Variants in ARHGAP24 observed in about 807,000 individuals in gnomAD.
ARHGAP24 encodes the protein rho GTPase-activating protein 24.
A neutral mutation model predicts 76.4 loss-of-function variants in ARHGAP24; 50 were observed. That is an observed-to-expected ratio of 0.65 (90% CI 0.52 to 0.83). The LOEUF is 0.83. Ranked by LOEUF, ARHGAP24 falls within the 40% of genes least tolerant of loss-of-function variation. The pLI is 0.00. For synonymous variants in ARHGAP24, 345 were observed against 323.3 expected (o/e 1.07, Z -0.72); for missense variants, 930 against 914.2 (o/e 1.02, Z -0.22).
At chr4:85,868,981 C>A (rs1365234988) in intron 3 of ARHGAP24, among the ~76,000 whole-genome samples, 2 of 151,814 alleles carry the variant, frequency 1.3e-5, no homozygotes, top group Non-Finnish European at 2.9e-5. Context: ...TATCATATAT[C>A]TATCATACTT....
At chr4:85,636,606 C>A (rs1039966262) in intron 2 of ARHGAP24, among the ~76,000 whole-genome samples, 1 of 151,848 alleles carries the variant, frequency 6.6e-6, no homozygotes, top group African/African-American at 2.4e-5. Context: ...ATCACTATTA[C>A]GCCTTGACAC....
At chr4:85,774,044 G>T (rs1727221967) in intron 3 of ARHGAP24, among the ~76,000 whole-genome samples, 1 of 152,190 alleles carries the variant, frequency 6.6e-6, no homozygotes, top group African/African-American at 2.4e-5. Flanking sequence ...CTCCCTGGTT[G>T]TCCTGGAAGG....
chr4:85,724,998 A>G (rs1382834721), intron 3 of ARHGAP24, among the ~76,000 whole-genome samples: 1 of 152,204 alleles, frequency 6.6e-6, no homozygotes, highest in Non-Finnish European at 1.5e-5. Context: ...TCTTTAATGA[A>G]CAGTTCTTGA....
rs572688131 is a variant in ARHGAP24, at chr4:85,848,905, G to A, written c.269-74743G>A. ...TGATGTTTCCAGCTTTGTTCTTTTT[G>A]CGTAGGACTGTCTTGGAAATGCGGG... On this transcript the variant is annotated intron_variant, in intron 3 of 9. Transcript: ENST00000395184. Among the ~76,000 whole-genome samples, 48 of 152,234 alleles carry A rather than the reference G, an allele frequency of 3.2e-4. 1 individual carries two copies. Among genetic ancestry groups the A allele is most frequent in the African/African-American group, 1.1e-3 (46 of 41,542 alleles).
At chr4:85,895,318 A>G (rs1203794872) in intron 3 of ARHGAP24, among the ~76,000 whole-genome samples, 1 of 152,218 alleles carries the variant, frequency 6.6e-6, no homozygotes, top group Non-Finnish European at 1.5e-5. Flanking sequence ...CGGAAGTTTT[A>G]CACTGAAGAG....
intron 2 of ARHGAP24, among the ~76,000 whole-genome samples, chr4:85,631,841 G>A (rs1298030515): frequency 2.0e-5 from 3 of 151,932 alleles, no homozygotes; most frequent in Non-Finnish European, 4.4e-5. Context: ...GTTGACTATT[G>A]TGATACAGAA....
intron 2 of ARHGAP24, among the ~76,000 whole-genome samples, chr4:85,634,977 C>A (rs75782513): frequency 0.024 from 3,681 of 151,954 alleles, 148 homozygotes; most frequent in African/African-American, 0.083. Context: ...TATACATCTT[C>A]AGATCAGGTG....
chr4:85,879,923 G>T (rs1298940653), intron 3 of ARHGAP24, among the ~76,000 whole-genome samples: 1 of 152,028 alleles, frequency 6.6e-6, no homozygotes, highest in Non-Finnish European at 1.5e-5. Flanking sequence ...AGGCAACCTG[G>T]ATTCCTCCCA....
intron 3 of ARHGAP24, among the ~76,000 whole-genome samples, chr4:85,828,833 C>A (rs968803969): frequency 6.6e-6 from 1 of 151,866 alleles, no homozygotes; most frequent in Non-Finnish European, 1.5e-5. Context: ...AAAGGAGATA[C>A]TTTTTAAATA....
At position 85,916,383 on chromosome 4, in the gene ARHGAP24, G is replaced by T. The variant is rs371240287; in HGVS notation, c.269-7265G>T. On this transcript the variant is annotated intron_variant, in intron 3 of 9. Transcript: ENST00000395184. Reference sequence around the variant, plus strand: ...AGGTTGCATGTTCACTCTGATGATAGCTTCTTCACCTGGTCCAGAGCTGAG... The same window carrying T: ...AGGTTGCATGTTCACTCTGATGATATCTTCTTCACCTGGTCCAGAGCTGAG... Among the ~76,000 whole-genome samples the T allele has an allele frequency of 2.2e-4, 34 of 152,230 alleles. No individual in the cohort carries two copies. The East Asian group carries it at 4.1e-3, about 18-fold the overall frequency.
At chr4:85,665,343 C>CT (rs1173678285) in intron 2 of ARHGAP24, among the ~76,000 whole-genome samples, 2 of 151,916 alleles carry the variant, frequency 1.3e-5, no homozygotes, top group African/African-American at 4.8e-5. Flanking sequence ...CAACCCCTGC[C>CT]TTTTTTTGTT....
intron 2 of ARHGAP24, among the ~76,000 whole-genome samples, chr4:85,581,642 T>C (rs1727615797): frequency 6.6e-6 from 1 of 152,136 alleles, no homozygotes; most frequent in Non-Finnish European, 1.5e-5. Flanking sequence ...CATAATCTTC[T>C]CCAGGGAAGG....
chr4:85,551,005 A>G (rs2110128917), intron 1 of ARHGAP24, among the ~76,000 whole-genome samples: 2 of 22,146 alleles, frequency 9.0e-5, no homozygotes, highest in East Asian at 0.33. Context: ...CTCTCTTACT[A>G]TCTAGATATT....
At chr4:85,846,894 A>G (rs72658258) in intron 3 of ARHGAP24, among the ~76,000 whole-genome samples, 14 of 152,312 alleles carry the variant, frequency 9.2e-5, no homozygotes, top group Non-Finnish European at 1.9e-4. Flanking sequence ...AAAATTTACA[A>G]TAATTTTACT....
intron 3 of ARHGAP24, among the ~76,000 whole-genome samples, chr4:85,918,036 A>G (rs1047390392): frequency 3.3e-5 from 5 of 152,078 alleles, no homozygotes; most frequent in Non-Finnish European, 5.9e-5. Context: ...AGGACACTCA[A>G]TGGAATAAAT....
intron 3 of ARHGAP24, among the ~76,000 whole-genome samples, chr4:85,810,040 GTCTA>G (rs1456348770): frequency 4.6e-5 from 7 of 152,176 alleles, no homozygotes; most frequent in South Asian, 2.1e-4. Context: ...TAACATGAGA[GTCTA>G]TCTTTCAAGG....
chr4:85,659,907 T>TA (rs1445206252), intron 2 of ARHGAP24, among the ~76,000 whole-genome samples: 5 of 152,150 alleles, frequency 3.3e-5, no homozygotes, highest in Non-Finnish European at 5.9e-5. Context: ...AAGCCATCTC[T>TA]AAAAAAATAA....
chr4:85,868,056 G>A (rs550352345), intron 3 of ARHGAP24, among the ~76,000 whole-genome samples: 4 of 151,898 alleles, frequency 2.6e-5, no homozygotes, highest in African/African-American at 9.6e-5. Flanking sequence ...TTGGGTTGCA[G>A]CTTGATTTTA....
intron 3 of ARHGAP24, among the ~76,000 whole-genome samples, chr4:85,846,229 T>C (rs140484276): frequency 4.1e-4 from 63 of 152,238 alleles, no homozygotes; most frequent in African/African-American, 1.4e-3. Flanking sequence ...TTAAAAAATC[T>C]TTCCACCTAT....
Sources: allele counts gnomAD v4.1 joint callset (sites outside exome capture counted in the v4.1 genomes callset), GRCh38; gene constraint gnomAD v4.1.1; transcripts MANE v1.5; gene names NCBI Gene and HGNC (gene_info 2026-07-23, HGNC 2026-07-21).